The following PLCB1 variants were observed in gnomAD, a reference collection of about 807,000 sequenced individuals.
PLCB1 encodes the protein 1-phosphatidylinositol 4,5-bisphosphate phosphodiesterase beta-1.
A neutral mutation model predicts 161.8 loss-of-function variants in PLCB1; 46 were observed. The observed-to-expected ratio is 0.28, with a 90% CI of 0.22 to 0.36. The LOEUF is 0.36. Among genes scored for constraint, PLCB1 ranks in the 10% least tolerant of loss-of-function variants. The pLI, the probability that PLCB1 is intolerant of heterozygous loss-of-function variation, is 1.00. For missense variants in PLCB1, 1,016 were observed against 1,472.5 expected, an observed-to-expected ratio of 0.69 and a Z score of 5.07; for synonymous variants, 517 against 503.7, an observed-to-expected ratio of 1.03 and a Z score of -0.35.
chr20:8,786,856 A>C (rs1983512451), intron 27 of PLCB1, among the ~76,000 whole-genome samples: 1 of 151,164 alleles, frequency 6.6e-6, no homozygotes, highest in South Asian at 2.1e-4. Flanking sequence ...GGCACCCACC[A>C]CCAGGCCTGG....
rs534863623 is a variant in PLCB1, at chr20:8,774,838, G to A, written c.3111+119G>A. 8.6e-5 allele frequency: 58 copies of A among 675,286 alleles called. No individual in the cohort carries two copies. The African/African-American group carries it at 9.3e-4, about 11-fold the overall frequency. 41.8% of individuals were successfully genotyped at this position (675,286 alleles called of 1,614,324 possible). ...GGGTGTGACTGGCACCAACTTGAGA[G>A]ATTGTTTAGGTGACACAGTGTCCAT... On this transcript the variant is annotated intron_variant, in intron 27 of 31. Coordinates refer to ENST00000338037, the MANE Select transcript of PLCB1 (RefSeq NM_015192.4).
At chr20:8,759,440 T>C (rs1475491817) in intron 24 of PLCB1, among the ~76,000 whole-genome samples, 1 of 152,226 alleles carries the variant, frequency 6.6e-6, no homozygotes, top group Non-Finnish European at 1.5e-5. Context: ...CATTCACCAA[T>C]GGATCTTTCC....
chr20:8,629,879 C>CTTTCTTTCTT (rs1568536067), intron 4 of PLCB1, among the ~76,000 whole-genome samples: 3 of 89,836 alleles, frequency 3.3e-5, no homozygotes, highest in African/African-American at 1.4e-4. Flanking sequence ...CTTTCTTTCT[C>CTTTCTTTCTT]TCTCTCTTTC....
At chr20:8,685,336 A>T (rs926016740) in intron 10 of PLCB1, among the ~76,000 whole-genome samples, 4 of 152,058 alleles carry the variant, frequency 2.6e-5, no homozygotes, top group African/African-American at 9.7e-5. Flanking sequence ...ACATTTTCAG[A>T]TCAATGGGAT....
chr20:8,458,993 A>G (rs1448519666), intron 3 of PLCB1, among the ~76,000 whole-genome samples: 2 of 152,250 alleles, frequency 1.3e-5, no homozygotes, highest in Non-Finnish European at 2.9e-5. Context: ...ACTTTTACAT[A>G]GAGGTGCAGG....
chr20:8,801,545 G>A (rs184901362), intron 31 of PLCB1, among the ~76,000 whole-genome samples: 17 of 152,192 alleles, frequency 1.1e-4, no homozygotes, highest in African/African-American at 3.1e-4. Context: ...CAAGAACATC[G>A]CCTGCCATAT....
rs562925997 is a variant in PLCB1 at position 8,487,502 on chromosome 20, C to T, written c.246+116052C>T. Among the ~76,000 whole-genome samples the T allele has an allele frequency of 7.9e-5, 12 of 152,276 alleles. No individual in the cohort carries two copies. In the South Asian group the frequency reaches 2.5e-3, roughly 32 times the overall value. On this transcript the variant is annotated intron_variant, in intron 3 of 31. Transcript: ENST00000338037. ...GCAACAATCATCTGTGGTGATTGCT[C>T]AAGTGTAGAAGGGTTTTCAAGAACT...
At chr20:8,163,840 T>A (rs1040871560) in intron 2 of PLCB1, among the ~76,000 whole-genome samples, 4 of 152,152 alleles carry the variant, frequency 2.6e-5, no homozygotes, top group African/African-American at 4.8e-5. Context: ...TGAGTATAAA[T>A]ATCGGGCCTC....
At chr20:8,753,875 T>G (rs1981604913) in intron 23 of PLCB1, among the ~76,000 whole-genome samples, 1 of 152,208 alleles carries the variant, frequency 6.6e-6, no homozygotes, top group African/African-American at 2.4e-5. Flanking sequence ...ATGACCTCAC[T>G]TTGCCCTATT....
At chr20:8,830,051 G>T (rs1186030062) in intron 31 of PLCB1, among the ~76,000 whole-genome samples, 1 of 152,174 alleles carries the variant, frequency 6.6e-6, no homozygotes, top group Non-Finnish European at 1.5e-5. Flanking sequence ...GCTGGTCCAA[G>T]AGATGGCCTA....
intron 31 of PLCB1, among the ~76,000 whole-genome samples, chr20:8,863,048 G>A (rs953385199): frequency 1.3e-5 from 2 of 152,144 alleles, no homozygotes; most frequent in African/African-American, 4.8e-5. Flanking sequence ...TCTTGCAAAG[G>A]GTGAGGGAGC....
intron 24 of PLCB1, among the ~76,000 whole-genome samples, chr20:8,759,896 ATTTTT>A (rs3033840): frequency 1.1e-4 from 9 of 78,268 alleles, no homozygotes; most frequent in South Asian, 5.0e-4. Context: ...ATAATATCAC[ATTTTT>A]TTTTTTTTTT....
intron 3 of PLCB1, among the ~76,000 whole-genome samples, chr20:8,589,610 C>CT (rs71183102): frequency 0.13 from 10,765 of 80,100 alleles, 1,100 homozygotes; most frequent in East Asian, 0.18. Context: ...CAATCTCTCT[C>CT]TTTTTTTTTT....
intron 3 of PLCB1, among the ~76,000 whole-genome samples, chr20:8,424,838 AGCAGGGATTTAT>A (rs1979682325): frequency 6.6e-6 from 1 of 152,194 alleles, no homozygotes; most frequent in African/African-American, 2.4e-5. Flanking sequence ...AAAGAAGGAA[AGCAGGGATTTAT>A]TGAAAACAAA....
At chr20:8,580,597 T>A (rs1312030892) in intron 3 of PLCB1, among the ~76,000 whole-genome samples, 1 of 152,184 alleles carries the variant, frequency 6.6e-6, no homozygotes, top group East Asian at 1.9e-4. Flanking sequence ...AAGAGAGAAA[T>A]AGAAGGCAAT....
chr20:8,759,894 A>C (rs1470273003), intron 24 of PLCB1, among the ~76,000 whole-genome samples: 1 of 72,432 alleles, frequency 1.4e-5, no homozygotes, highest in African/African-American at 5.1e-5. Flanking sequence ...ATATAATATC[A>C]CATTTTTTTT....
At chr20:8,143,316 G>A (rs1218135584) in intron 1 of PLCB1, among the ~76,000 whole-genome samples, 1 of 152,078 alleles carries the variant, frequency 6.6e-6, no homozygotes, top group Non-Finnish European at 1.5e-5. Context: ...ATGGCTGTGG[G>A]CAACATGGCT....
intron 3 of PLCB1, among the ~76,000 whole-genome samples, chr20:8,533,973 T>C (rs557435920): frequency 6.6e-6 from 1 of 152,360 alleles, no homozygotes; most frequent in Non-Finnish European, 1.5e-5. Flanking sequence ...GCCTAGGTTT[T>C]CTTCTCGGGT....
At chr20:8,149,604 G>A (rs1372920153) in intron 1 of PLCB1, among the ~76,000 whole-genome samples, 8 of 152,122 alleles carry the variant, frequency 5.3e-5, no homozygotes, top group Non-Finnish European at 1.0e-4. Context: ...TCCATATCCA[G>A]TGGCATGTAT....
Sources: allele counts gnomAD v4.1 joint callset (sites outside exome capture counted in the v4.1 genomes callset), GRCh38; gene constraint gnomAD v4.1.1; transcripts MANE v1.5; gene names NCBI Gene and HGNC (gene_info 2026-07-23, HGNC 2026-07-21).